GNB4: variants seen among roughly 807,000 people sequenced by gnomAD.
GNB4 encodes the protein guanine nucleotide-binding protein subunit beta-4.
GNB4 carries 28 observed loss-of-function variants against 45.2 expected under a neutral mutation model. That is an observed-to-expected ratio of 0.62 (90% CI 0.46 to 0.85). The LOEUF (loss-of-function observed/expected upper bound fraction) is 0.85. Ranked by LOEUF, GNB4 falls within the 40% of genes least tolerant of loss-of-function variation. GNB4 has a pLI of 0.00. For missense variants in GNB4, 321 were observed against 425.4 expected, an observed-to-expected ratio of 0.75 and a Z score of 2.16; for synonymous variants, 132 against 143.7, an observed-to-expected ratio of 0.92 and a Z score of 0.58.
chr3:179,432,704 T>C (rs1401036171), intron 1 of GNB4, among the ~76,000 whole-genome samples: 3 of 152,214 alleles, frequency 2.0e-5, no homozygotes, highest in African/African-American at 4.8e-5. Flanking sequence ...GTTTAGTAAG[T>C]AGCTCCCTCA....
the GNB4 span, among the ~76,000 whole-genome samples, chr3:179,478,112 C>T: frequency 1.3e-5 from 2 of 152,238 alleles, no homozygotes; most frequent in South Asian, 2.1e-4. Flanking sequence ...GAAGGGCAAG[C>T]GAAGATGAGA....
the GNB4 span, among the ~76,000 whole-genome samples, chr3:179,521,399 G>T: frequency 7.9e-5 from 12 of 152,138 alleles, no homozygotes; most frequent in African/African-American, 2.7e-4. Flanking sequence ...GCCTGTCCTC[G>T]GAATGCTACA....
At chr3:179,436,348 C>CCATTGG (rs1377066709) in intron 1 of GNB4, among the ~76,000 whole-genome samples, 1 of 152,172 alleles carries the variant, frequency 6.6e-6, no homozygotes, top group Non-Finnish European at 1.5e-5. Flanking sequence ...CGAGATCATG[C>CCATTGG]CATTGCACTC....
chr3:179,446,289 C>A (rs947648337), intron 1 of GNB4, among the ~76,000 whole-genome samples: 1 of 152,204 alleles, frequency 6.6e-6, no homozygotes. Context: ...GGCTTCACCA[C>A]TTGTGTACGT....
At chr3:179,476,742 C>T in the GNB4 span, among the ~76,000 whole-genome samples, 3 of 152,204 alleles carry the variant, frequency 2.0e-5, no homozygotes, top group African/African-American at 7.2e-5. Context: ...ACGTAAATAC[C>T]ACCAAAGTGT....
chr3:179,413,183 C>CA (rs933359971), intron 8 of GNB4, among the ~76,000 whole-genome samples: 1 of 150,998 alleles, frequency 6.6e-6, no homozygotes, highest in East Asian at 1.9e-4. Context: ...CTCAAAAAAA[C>CA]AAAAAAATAA....
intron 1 of GNB4, among the ~76,000 whole-genome samples, chr3:179,450,619 A>C (rs906950979): frequency 2.0e-5 from 3 of 152,350 alleles, no homozygotes; most frequent in African/African-American, 7.2e-5. Flanking sequence ...AAAAATAACA[A>C]AGTATTGCTT....
intron 2 of GNB4, 67 bp from the exon 3 acceptor site, chr3:179,420,994 T>C (rs547610502): frequency 1.1e-6 from 1 of 896,564 alleles, no homozygotes; most frequent in Admixed American, 2.2e-5. Context: ...GATACTTTTA[T>C]TGAAAACGTA....
the GNB4 span, among the ~76,000 whole-genome samples, chr3:179,486,613 T>C: frequency 1.3e-5 from 2 of 152,238 alleles, no homozygotes; most frequent in Non-Finnish European, 2.9e-5. Flanking sequence ...GAGGAGCTCC[T>C]GGTGACATAG....
At chr3:179,458,086 G>A in the GNB4 span, among the ~76,000 whole-genome samples, 1 of 152,056 alleles carries the variant, frequency 6.6e-6, no homozygotes, top group Non-Finnish European at 1.5e-5. Flanking sequence ...TGTATTTTCA[G>A]TACAGACGGG....
In GNB4 at chr3:179,399,759, C is replaced by T. The variant is rs757985295; in HGVS notation, c.*1454G>A. 3 of 152,064 alleles carry T rather than the reference C, an allele frequency of 2.0e-5. No homozygotes were observed. Among genetic ancestry groups the T allele is most frequent in the Admixed American group, 6.6e-5 (1 of 15,264 alleles). The allele number at this position is 152,064 out of a possible 1,614,324, so 9.4% of individuals were successfully genotyped here. On this transcript the variant is annotated 3_prime_UTR_variant, in exon 10 of 10. Coordinates refer to ENST00000232564, the MANE Select transcript of GNB4 (RefSeq NM_021629.4). ...CACATGTTCAAAAGTTAACACAGAC[C>T]TATCTGAAAAGTAACTAAGTTACAA...
At chr3:179,486,262 T>A in the GNB4 span, among the ~76,000 whole-genome samples, 3 of 151,880 alleles carry the variant, frequency 2.0e-5, no homozygotes, top group Non-Finnish European at 4.4e-5. Flanking sequence ...GTTCTGTAAT[T>A]TGCCTTTCCT....
chr3:179,471,709 T>A, the GNB4 span, among the ~76,000 whole-genome samples: 1 of 152,200 alleles, frequency 6.6e-6, no homozygotes, highest in Non-Finnish European at 1.5e-5. Context: ...TATTTTCTAG[T>A]CACCCATAGT....
At chr3:179,518,863 T>C in the GNB4 span, among the ~76,000 whole-genome samples, 19 of 152,342 alleles carry the variant, frequency 1.2e-4, no homozygotes, top group Middle Eastern at 3.4e-3. Flanking sequence ...ATATGCATTT[T>C]ACTTTATTAC....
the GNB4 span, among the ~76,000 whole-genome samples, chr3:179,488,086 G>A: frequency 6.6e-6 from 1 of 151,064 alleles, no homozygotes; most frequent in East Asian, 1.9e-4. Context: ...CTCATCCACT[G>A]ACAGACACTG....
At chr3:179,437,008 G>C (rs906699707) in intron 1 of GNB4, among the ~76,000 whole-genome samples, 1 of 152,106 alleles carries the variant, frequency 6.6e-6, no homozygotes, top group Non-Finnish European at 1.5e-5. Context: ...GAATGTGCCA[G>C]GAACTGGGGT....
chr3:179,494,170 C>T, the GNB4 span, among the ~76,000 whole-genome samples: 4 of 152,110 alleles, frequency 2.6e-5, no homozygotes, highest in Admixed American at 2.0e-4. Flanking sequence ...GCATTCTGAA[C>T]TATTTCTGTG....
Position 179,413,303 on chromosome 3 carries a change from G to A in GNB4, c.699+109C>T, listed in dbSNP as rs540044889. 9.8e-4 allele frequency: 788 copies of A among 802,026 alleles called. 8 individuals are homozygous for A. In the Middle Eastern group the frequency reaches 0.011, roughly 11 times the overall value. 49.7% of individuals were successfully genotyped at this position (802,026 alleles called of 1,614,324 possible). On this transcript the variant is annotated intron_variant, in intron 8 of 9. Coordinates refer to ENST00000232564, the MANE Select transcript of GNB4 (RefSeq NM_021629.4). ...GACTTGGAGATTCAAAGTTATAAGA[G>A]CACATTACTTGTAAGAATCCTTGAA...
At chr3:179,408,997 C>T (rs1714561933) in intron 8 of GNB4, among the ~76,000 whole-genome samples, 2 of 148,062 alleles carry the variant, frequency 1.4e-5, no homozygotes, top group Admixed American at 6.7e-5. Context: ...AATACACACA[C>T]GCACACAAAA....
Sources: allele counts gnomAD v4.1 joint callset (sites outside exome capture counted in the v4.1 genomes callset), GRCh38; gene constraint gnomAD v4.1.1; transcripts MANE v1.5; gene names NCBI Gene and HGNC (gene_info 2026-07-23, HGNC 2026-07-21).